PAK5: variants seen among roughly 807,000 people sequenced by gnomAD.
PAK5 encodes the protein p21 (RAC1) activated kinase 5.
A neutral mutation model predicts 65.9 loss-of-function variants in PAK5; 16 were observed. That is an observed-to-expected ratio of 0.24 (90% CI 0.16 to 0.37). PAK5 has a LOEUF of 0.37. PAK5 is among the 10% of genes least tolerant of loss of function. PAK5 has a pLI of 1.00. For missense variants in PAK5, 785 were observed against 903.9 expected, an observed-to-expected ratio of 0.87 and a Z score of 1.69; for synonymous variants, 371 against 354.9, an observed-to-expected ratio of 1.05 and a Z score of -0.51.
In PAK5 at chr20:9,803,176, C is replaced by T. The variant is rs184360301; in HGVS notation, c.-162+35586G>A. 8.6e-4 allele frequency among the ~76,000 whole-genome samples: 131 copies of T among 151,980 alleles called. 2 individuals carry two copies. The highest frequency in any genetic ancestry group is 1.4e-3 in the East Asian group (7 of 5,164). Reference sequence around the variant, plus strand: ...AAACAAGTGCTTGTAACTCAGAACACGGCTAGTGTTATGAAAGCAAACACT... The same window carrying T: ...AAACAAGTGCTTGTAACTCAGAACATGGCTAGTGTTATGAAAGCAAACACT... On this transcript the variant is annotated intron_variant, in intron 1 of 9. Transcript: ENST00000353224.
chr20:9,814,923 C>T (rs1272466832), intron 1 of PAK5, among the ~76,000 whole-genome samples: 1 of 152,096 alleles, frequency 6.6e-6, no homozygotes, highest in African/African-American at 2.4e-5. Flanking sequence ...GTTTATTTGG[C>T]TCATGGTTCT....
chr20:9,707,510 G>C (rs186500509), intron 2 of PAK5, among the ~76,000 whole-genome samples: 1 of 152,244 alleles, frequency 6.6e-6, no homozygotes, highest in East Asian at 1.9e-4. Flanking sequence ...TTGCAATCTA[G>C]TTCTTCTTTT....
chr20:9,674,302 A>G (rs2047539703), intron 2 of PAK5, among the ~76,000 whole-genome samples: 1 of 152,080 alleles, frequency 6.6e-6, no homozygotes, highest in Non-Finnish European at 1.5e-5. Context: ...TCTGATTACT[A>G]AGATACATAG....
At chr20:9,577,900 G>C (rs550899132) in intron 4 of PAK5, among the ~76,000 whole-genome samples, 2 of 152,252 alleles carry the variant, frequency 1.3e-5, no homozygotes, top group Non-Finnish European at 2.9e-5. Context: ...CATTGTTTCT[G>C]GGCTGGCAGA....
chr20:9,834,819 T>C (rs2123794460), intron 1 of PAK5, among the ~76,000 whole-genome samples: 1 of 152,144 alleles, frequency 6.6e-6, no homozygotes, highest in East Asian at 1.9e-4. Context: ...TGATTATTAT[T>C]TATTGTTTAC....
chr20:9,583,140 AAT>A (rs1472370438), intron 3 of PAK5, among the ~76,000 whole-genome samples: 1 of 152,180 alleles, frequency 6.6e-6, no homozygotes, highest in Non-Finnish European at 1.5e-5. Context: ...GCTCCGAAAT[AAT>A]ATGTTTGTAG....
intron 4 of PAK5, among the ~76,000 whole-genome samples, chr20:9,569,795 C>T (rs2045745296): frequency 6.6e-6 from 1 of 151,918 alleles, no homozygotes; most frequent in South Asian, 2.1e-4. Flanking sequence ...CCCATTGGTT[C>T]TACAATGACA....
intron 1 of PAK5, among the ~76,000 whole-genome samples, chr20:9,744,585 G>A (rs967167320): frequency 1.3e-5 from 2 of 152,116 alleles, no homozygotes; most frequent in African/African-American, 4.8e-5. Flanking sequence ...ACTAAATGGG[G>A]GATTGTGGAT....
intron 1 of PAK5, among the ~76,000 whole-genome samples, chr20:9,800,540 T>C (rs1223500780): frequency 1.3e-5 from 2 of 152,136 alleles, no homozygotes; most frequent in Non-Finnish European, 2.9e-5. Flanking sequence ...GACAGAATGA[T>C]AAATATTACC....
chr20:9,801,080 T>G (rs906155946), intron 1 of PAK5, among the ~76,000 whole-genome samples: 1 of 152,144 alleles, frequency 6.6e-6, no homozygotes, highest in African/African-American at 2.4e-5. Context: ...AGATATGGAA[T>G]CAGTAAACAA....
intron 1 of PAK5, among the ~76,000 whole-genome samples, chr20:9,790,385 G>A (rs146418751): frequency 6.6e-6 from 1 of 152,230 alleles, no homozygotes; most frequent in East Asian, 1.9e-4. Flanking sequence ...AAGAGGAAAA[G>A]AGGGGAGAGG....
At chr20:9,550,477 C>A (rs370321249) in intron 7 of PAK5, among the ~76,000 whole-genome samples, 1 of 152,110 alleles carries the variant, frequency 6.6e-6, no homozygotes, top group African/African-American at 2.4e-5. Context: ...CTCCCACACT[C>A]CATCTTGGGA....
intron 1 of PAK5, among the ~76,000 whole-genome samples, chr20:9,729,375 CAG>C (rs2048310930): frequency 6.6e-6 from 1 of 152,134 alleles, no homozygotes; most frequent in South Asian, 2.1e-4. Flanking sequence ...GGCCAACAAT[CAG>C]AGCAAACTGA....
chr20:9,657,340 T>C (rs1185385370), intron 2 of PAK5, among the ~76,000 whole-genome samples: 1 of 152,214 alleles, frequency 6.6e-6, no homozygotes, highest in Non-Finnish European at 1.5e-5. Flanking sequence ...TTCTTTTTTA[T>C]TGGTGAGTAG....
chr20:9,635,610 C>G (rs929897221), intron 3 of PAK5, among the ~76,000 whole-genome samples: 19 of 152,176 alleles, frequency 1.2e-4, no homozygotes, highest in African/African-American at 4.1e-4. Context: ...TCTCCTGGCT[C>G]CATTGTTACC....
chr20:9,835,574 G>A (rs1979083420), intron 1 of PAK5, among the ~76,000 whole-genome samples: 1 of 152,128 alleles, frequency 6.6e-6, no homozygotes, highest in Admixed American at 6.5e-5. Flanking sequence ...TCTGGATGAA[G>A]GATTAGAAGA....
At chr20:9,603,355 A>T (rs187409015) in intron 3 of PAK5, among the ~76,000 whole-genome samples, 2 of 152,164 alleles carry the variant, frequency 1.3e-5, no homozygotes, top group Admixed American at 1.3e-4. Flanking sequence ...TGTCAACTCC[A>T]CCTTCTCTGT....
chr20:9,820,948 A>G (rs1196119628), intron 1 of PAK5, among the ~76,000 whole-genome samples: 2 of 152,208 alleles, frequency 1.3e-5, no homozygotes, highest in Non-Finnish European at 2.9e-5. Flanking sequence ...CTCTTCCTCC[A>G]GCCCTGATAG....
chr20:9,538,368 G>A lies in PAK5; in HGVS notation c.*1094C>T, dbSNP rs914932039. ...ATAGCGATTAATACTGTGGTACAAA[G>A]GTAAATATAGACAAGAGTTTGGTGT... On this transcript the variant is annotated 3_prime_UTR_variant, in exon 10 of 10. Coordinates refer to ENST00000353224, the MANE Select transcript of PAK5 (RefSeq NM_177990.4). 4.3e-6 allele frequency: 1 copy of A among 233,458 alleles called. No individual in the cohort carries two copies. The highest frequency in any genetic ancestry group is 2.2e-5 in the African/African-American group (1 of 45,332). The allele number at this position is 233,458 out of a possible 1,614,324, so 14.5% of individuals were successfully genotyped here.
Sources: gnomAD v4.1 joint callset for allele counts (sites outside exome capture counted in the v4.1 genomes callset) on GRCh38, gnomAD v4.1.1 for gene constraint, MANE v1.5 for transcripts, NCBI Gene and HGNC (gene_info 2026-07-23, HGNC 2026-07-21) for gene names.